Variants in AGGF1 observed in about 807,000 individuals in gnomAD.
The protein encoded by AGGF1 is angiogenic factor with G-patch and FHA domains 1, also known as angiogenic factor with G patch and FHA domains 1.
In AGGF1, 56 loss-of-function variants were observed where a neutral mutation model predicts 86.5. The observed-to-expected ratio is 0.65, with a 90% CI of 0.52 to 0.81. AGGF1 has a LOEUF of 0.81. Ranked by LOEUF, AGGF1 falls within the 30% of genes least tolerant of loss-of-function variation. The pLI is 0.00. For synonymous variants in AGGF1, 313 were observed against 297.1 expected, an observed-to-expected ratio of 1.05 and a Z score of -0.55; for missense variants, 816 against 850.9, an observed-to-expected ratio of 0.96 and a Z score of 0.51.
chr5:77,031,729 C>T (rs1312235029), intron 1 of AGGF1, among the ~76,000 whole-genome samples: 2 of 151,998 alleles, frequency 1.3e-5, no homozygotes, highest in Non-Finnish European at 2.9e-5. Context: ...CAAAATTTAG[C>T]CGGGCGTCTC....
Position 77,065,123 on chromosome 5 carries a change from A to G in AGGF1, c.*1871A>G, listed in dbSNP as rs574225066. The G allele has an allele frequency of 2.0e-5, 3 of 152,192 alleles. No individual in the cohort carries two copies. Among genetic ancestry groups the G allele is most frequent in the Non-Finnish European group, 4.4e-5 (3 of 68,026 alleles). The allele number at this position is 152,192 out of a possible 1,614,324, so 9.4% of individuals were successfully genotyped here. On this transcript the variant is annotated 3_prime_UTR_variant, in exon 14 of 14. Transcript: ENST00000312916. The stretch of plus-strand genomic sequence containing the variant: ...CAAATGAGAAAATGTATATAAAAGC[A>G]CTTTGTAAATTGTAAAAGTAGTACA...
chr5:77,063,199 C>A lies in AGGF1; in HGVS notation c.2092C>A (p.Pro698Thr), dbSNP rs34400049. The change falls in exon 14 of 14, where the codon CCT becomes ACT. Residue 698 changes from proline (P) to threonine (T), a missense_variant. By Grantham distance (38) the Pro-to-Thr change is conservative (BLOSUM62 -1). Around this residue, in one of 3 missense-constraint regions of AGGF1, gnomAD observed 565 missense variants for 585.8 expected, o/e 0.96. Coordinates refer to ENST00000312916, the MANE Select transcript of AGGF1 (RefSeq NM_018046.5). ...RFTENFPETKPQKDDPGTMPW... is the reference protein window; with the variant it reads ...RFTENFPETKTQKDDPGTMPW... ...TACTGAAAACTTCCCAGAAACTAAG[C>A]CTCAAAAAGATGACCCAGGGACCAT... is the stretch of plus-strand genomic sequence containing the variant. 434,663 of 1,613,404 alleles carry A rather than the reference C, an allele frequency of 0.27. 61,144 individuals carry two copies. The highest frequency in any genetic ancestry group is 0.29 in the Non-Finnish European group (341,933 of 1,179,620).
intron 5 of AGGF1, among the ~76,000 whole-genome samples, chr5:77,044,823 A>G (rs1032609256): frequency 6.6e-6 from 1 of 152,136 alleles, no homozygotes; most frequent in Non-Finnish European, 1.5e-5. Flanking sequence ...TATCAAAGAT[A>G]GGTATGTGAG....
At position 77,064,973 on chromosome 5, in the gene AGGF1, T is replaced by C. The variant is rs1404720621; in HGVS notation, c.*1721T>C. On this transcript the variant is annotated 3_prime_UTR_variant, in exon 14 of 14. Coordinates refer to ENST00000312916, the MANE Select transcript of AGGF1 (RefSeq NM_018046.5). ...GGAAATATATGTGATATTTGCATTA[T>C]TAAACCCCTTTGCAGATCTAAAGTC... The C allele has an allele frequency of 1.1e-4, 17 of 152,358 alleles. No individual in the cohort carries two copies. The allele number at this position is 152,358 out of a possible 1,614,324, so 9.4% of individuals were successfully genotyped here. A position where few individuals can be genotyped will look rare whatever the true frequency, so the allele number is the denominator to read the frequency against.
Position 77,063,656 on chromosome 5 carries a change from T to A in AGGF1, c.*404T>A, listed in dbSNP as rs1163096041. On this transcript the variant is annotated 3_prime_UTR_variant, in exon 14 of 14. Transcript: ENST00000312916. The stretch of plus-strand genomic sequence containing the variant: ...AACATCAGAAGTTTATAAAAATAAA[T>A]CTGACTATATGCATCCTCATTTATT... 5.1e-6 allele frequency: 1 copy of A among 197,796 alleles called. No homozygotes were observed. The highest frequency in any genetic ancestry group is 1.0e-5 in the Non-Finnish European group (1 of 96,220). The allele number at this position is 197,796 out of a possible 1,614,324, so 12.3% of individuals were successfully genotyped here.
At chr5:77,040,185 C>G (rs546323771) in intron 5 of AGGF1, among the ~76,000 whole-genome samples, 1 of 151,258 alleles carries the variant, frequency 6.6e-6, no homozygotes, top group Non-Finnish European at 1.5e-5. Context: ...CTCAGCTCAC[C>G]GCAACCTCCG....
At position 77,036,600 on chromosome 5, in the gene AGGF1, C is replaced by T; in HGVS notation, c.561C>T (p.Gly187=). 1 of 1,614,142 alleles carries T rather than the reference C, an allele frequency of 6.2e-7. No homozygotes were observed. The highest frequency in any genetic ancestry group is 8.5e-7 in the Non-Finnish European group (1 of 1,180,028). The change falls in exon 4 of 14, where the codon GGC becomes GGT. Residue 187 remains glycine (G), a synonymous_variant. Coordinates refer to ENST00000312916, the MANE Select transcript of AGGF1 (RefSeq NM_018046.5). ...ALATEDTSLE[G]SSLAESLRAA... is the part of the protein sequence containing the mutation. ...CAACAGAAGATACCTCCTTAGAAGG[C>T]TCATCATTAGCTGAAAGTTTGAGAG...
Position 77,032,135 on chromosome 5 carries a change from A to G in AGGF1, c.210+1159A>G, listed in dbSNP as rs144082708. 8.6e-3 allele frequency among the ~76,000 whole-genome samples: 1,309 copies of G among 151,822 alleles called. 15 individuals carry two copies. Among genetic ancestry groups the G allele is most frequent in the African/African-American group, 0.03 (1,255 of 41,422 alleles). On this transcript the variant is annotated intron_variant, in intron 1 of 13. Transcript: ENST00000312916. ...CTATGAAAATAACTGTTGAGTTGCA[A>G]TGACTTTGTATGACCATTACATGGA...
rs1747259600 is a variant in AGGF1 at position 77,046,647 on chromosome 5, A to C, written c.1171A>C (p.Asn391His). Reference sequence around the variant, plus strand: ...TGACGAAGCCATTACCAGTGAAGGCAATGTAACTGCAGAAGATAGTGAGGA... The same window carrying C: ...TGACGAAGCCATTACCAGTGAAGGCCATGTAACTGCAGAAGATAGTGAGGA... ...SYDEAITSEG[N>H]VTAEDSEDED... is the part of the protein sequence containing the mutation. Residue 391 changes from asparagine to histidine, a missense_variant, in exon 6 of 14, where the codon AAT becomes CAT. Around this residue, in one of 3 missense-constraint regions of AGGF1, gnomAD observed 565 missense variants for 585.8 expected, o/e 0.96. Transcript: ENST00000312916. 1.2e-6 allele frequency: 2 copies of C among 1,613,952 alleles called. No homozygotes were observed. The highest frequency in any genetic ancestry group is 3.3e-5 in the Admixed American group (2 of 60,008).
intron 4 of AGGF1, among the ~76,000 whole-genome samples, chr5:77,037,655 A>C (rs911722399): frequency 1.3e-5 from 2 of 152,238 alleles, no homozygotes; most frequent in South Asian, 2.1e-4. Context: ...CTCACCCTCT[A>C]GTCCCAGCTA....
chr5:77,061,476 A>G (rs933042798), intron 12 of AGGF1, among the ~76,000 whole-genome samples: 6 of 152,152 alleles, frequency 3.9e-5, no homozygotes, highest in Non-Finnish European at 7.4e-5. Context: ...ATTTGTTGCT[A>G]TTAGATTTGC....
chr5:77,047,245 C>T (rs1747286329), intron 6 of AGGF1, among the ~76,000 whole-genome samples: 2 of 152,284 alleles, frequency 1.3e-5, no homozygotes, highest in Non-Finnish European at 2.9e-5. Flanking sequence ...AACATGTACA[C>T]ACTTTTTTTC....
chr5:77,031,025 T>A (rs944600574), intron 1 of AGGF1, 49 bp downstream of exon 1: 9 of 1,597,218 alleles, frequency 5.6e-6, no homozygotes, highest in Non-Finnish European at 7.7e-6. Flanking sequence ...AGGCGAGGCC[T>A]TCGAAGCCCG....
chr5:77,050,601 T>A (rs1156294808), intron 8 of AGGF1, among the ~76,000 whole-genome samples: 1 of 152,132 alleles, frequency 6.6e-6, no homozygotes, highest in Non-Finnish European at 1.5e-5. Flanking sequence ...TGAAAAACTT[T>A]TAAAAAAGAA....
Position 77,046,549 on chromosome 5 carries a change from A to T in AGGF1, c.1073A>T (p.Asp358Val). The change falls in exon 6 of 14, where the codon GAT (aspartate) becomes GTT (valine). Residue 358 changes from aspartate (D) to valine (V), a missense_variant. By Grantham distance (152) the Asp-to-Val change is radical. Coordinates refer to ENST00000312916, the MANE Select transcript of AGGF1 (RefSeq NM_018046.5). ...ENISNSTSFK[D>V]EKIMETDSEP... ...ATCTCTAATTCAACATCATTTAAAG[A>T]TGAGAAAATCATGGAGACTGATAGT... The T allele has an allele frequency of 6.2e-7, 1 of 1,613,910 alleles. No individual in the cohort carries two copies. Among genetic ancestry groups the T allele is most frequent in the Non-Finnish European group, 8.5e-7 (1 of 1,179,906 alleles).
rs1476809225 is a variant in AGGF1 at position 77,039,551 on chromosome 5, T to A, written c.702T>A (p.Asp234Glu). 2 of 1,609,226 alleles carry A rather than the reference T, an allele frequency of 1.2e-6. No individual in the cohort carries two copies. Among genetic ancestry groups the A allele is most frequent in the Non-Finnish European group, 1.7e-6 (2 of 1,177,610 alleles). ...YYDSENQLYY[D>E]PSTGIYYYCD... ...CAAAGGAAAATCAACTCTATTATGA[T>A]CCTTCCACTGGAATTTATTACTATT... The change falls in exon 5 of 14, where the codon GAT becomes GAA. Residue 234 changes from aspartate to glutamate, a missense_variant. Asp to Glu is a conservative substitution (Grantham distance 45). Transcript: ENST00000312916.
intron 12 of AGGF1, 107 bp downstream of exon 12, chr5:77,059,850 GTTTA>G (rs1157724635): frequency 7.0e-7 from 1 of 1,434,288 alleles, no homozygotes; most frequent in East Asian, 2.4e-5. Context: ...CTATTTATTT[GTTTA>G]TTTATGAGAT....
At chr5:77,054,307 A>G (rs138880358) in intron 10 of AGGF1, among the ~76,000 whole-genome samples, 177 bp downstream of exon 10, 7 of 152,384 alleles carry the variant, frequency 4.6e-5, no homozygotes, top group Non-Finnish European at 1.0e-4. Context: ...AGATTGAGAT[A>G]TATTTCGTAA....
chr5:77,058,783 AT>A (rs1367579274), intron 11 of AGGF1, among the ~76,000 whole-genome samples: 1 of 152,208 alleles, frequency 6.6e-6, no homozygotes, highest in Non-Finnish European at 1.5e-5. Flanking sequence ...GCTTCTATGA[AT>A]GCTGAATTGA....
Sources: allele counts gnomAD v4.1 joint callset (sites outside exome capture counted in the v4.1 genomes callset), GRCh38; gene constraint gnomAD v4.1.1; regional missense constraint gnomAD v4.1.1; transcripts MANE v1.5; gene names NCBI Gene and HGNC (gene_info 2026-07-23, HGNC 2026-07-21).